ITPR3: variants seen among roughly 807,000 people sequenced by gnomAD.
ITPR3 encodes the protein inositol 1,4,5-trisphosphate-gated calcium channel ITPR3.
ITPR3 carries 173 observed loss-of-function variants against 293.2 expected under a neutral mutation model. The observed-to-expected ratio is 0.59, with a 90% CI of 0.52 to 0.67. The LOEUF is 0.67. Ranked by LOEUF, ITPR3 falls within the 30% of genes least tolerant of loss-of-function variation. The pLI is 0.00. For missense variants in ITPR3, 2,796 were observed against 3,592.1 expected (o/e 0.78, Z 5.66); for synonymous variants, 1,295 against 1,444.4 (o/e 0.90, Z 2.35).
intron 43 of ITPR3, 99 bp from the exon 44 acceptor site, chr6:33,686,910 G>A (rs1340898067): frequency 2.1e-6 from 2 of 963,422 alleles, no homozygotes; most frequent in Non-Finnish European, 3.3e-6. Flanking sequence ...CTGACCTTTT[G>A]TTGGATGGGA....
chr6:33,664,252 G>A lies in ITPR3; in HGVS notation c.1148+372G>A, dbSNP rs1002475805. On this transcript the variant is annotated intron_variant, in intron 11 of 57. Transcript: ENST00000605930. This position sits in a 1 kb window ranked among gnomAD's most constrained non-coding sequence, Gnocchi z 4.4. ...CGGAACATCAAGAAACTTCTCAAGT[G>A]TCAGTACAGGCTTTGGCGTGTCCTT... 6.6e-6 allele frequency among the ~76,000 whole-genome samples: 1 copy of A among 152,106 alleles called. No homozygotes were observed. Among genetic ancestry groups the A allele is most frequent in the Non-Finnish European group, 1.5e-5 (1 of 68,030 alleles).
At chr6:33,645,390 T>G (rs1367936101) in intron 2 of ITPR3, among the ~76,000 whole-genome samples, 1 of 152,198 alleles carries the variant, frequency 6.6e-6, no homozygotes, top group African/African-American at 2.4e-5. Context: ...GTTTTTGAGA[T>G]TTATCTGAGT....
intron 9 of ITPR3, 129 bp downstream of exon 9, chr6:33,663,135 C>A (rs1294190316): frequency 2.8e-6 from 2 of 720,882 alleles, no homozygotes; most frequent in East Asian, 5.4e-5. Flanking sequence ...TGCACTCATG[C>A]ATTTATCCAA....
At chr6:33,651,201 C>CG (rs1401552667) in intron 2 of ITPR3, among the ~76,000 whole-genome samples, 5 of 150,570 alleles carry the variant, frequency 3.3e-5, no homozygotes, top group Non-Finnish European at 4.4e-5. Context: ...GGTGTGAACC[C>CG]GGGAGGCGGA....
At chr6:33,646,366 AC>A (rs1205141830) in intron 2 of ITPR3, among the ~76,000 whole-genome samples, 2 of 63,222 alleles carry the variant, frequency 3.2e-5, no homozygotes, top group Admixed American at 2.3e-4. Context: ...CCCTCTTCCC[AC>A]CCCCCACCCC....
intron 16 of ITPR3, among the ~76,000 whole-genome samples, 163 bp downstream of exon 16, chr6:33,668,127 T>G (rs1304111424): frequency 1.3e-5 from 2 of 152,234 alleles, no homozygotes; most frequent in East Asian, 3.8e-4. Context: ...TCCCTAGCCC[T>G]TCTCTGGGAT....
rs372802261 is a variant in ITPR3, at chr6:33,624,547, C to T, written c.89+2856C>T. ...GTGCATTAAAGTGTGAGGAGCGTTGCTCTGAGTGATTTTCTCTCTGCCCCA... is the reference window on the plus strand; with the variant it reads ...GTGCATTAAAGTGTGAGGAGCGTTGTTCTGAGTGATTTTCTCTCTGCCCCA... On this transcript the variant is annotated intron_variant, in intron 1 of 57. Transcript: ENST00000605930. This position sits in a 1 kb window ranked among gnomAD's most constrained non-coding sequence, Gnocchi z 4.7. 2.6e-4 allele frequency among the ~76,000 whole-genome samples: 40 copies of T among 152,350 alleles called. No homozygotes were observed. Among genetic ancestry groups the T allele is most frequent in the African/African-American group, 8.9e-4 (37 of 41,574 alleles).
rs575507441 is a variant in ITPR3 at position 33,666,685 on chromosome 6, C to T, written c.1552-444C>T. ...TGCTCTGTCACTTTGGTCTCTGTTT[C>T]AGAACAATTTTTCACCTCTCCACCC... is the stretch of plus-strand genomic sequence containing the variant. On this transcript the variant is annotated intron_variant, in intron 14 of 57. Coordinates refer to ENST00000605930, the MANE Select transcript of ITPR3 (RefSeq NM_002224.4). The surrounding 1 kb of genome is among the most constrained non-coding windows in gnomAD (Gnocchi z 5.1). 1.1e-3 allele frequency among the ~76,000 whole-genome samples: 163 copies of T among 151,332 alleles called. 2 individuals are homozygous for T. Among genetic ancestry groups the T allele is most frequent in the Non-Finnish European group, 8.8e-5 (6 of 67,912 alleles).
Position 33,695,887 on chromosome 6 carries a change from C to A in ITPR3, c.*107C>A. The A allele has an allele frequency of 9.5e-7, 1 of 1,049,712 alleles. No individual in the cohort carries two copies. Among genetic ancestry groups the A allele is most frequent in the Non-Finnish European group, 1.4e-6 (1 of 690,768 alleles). 65.0% of individuals were successfully genotyped at this position (1,049,712 alleles called of 1,614,324 possible). On this transcript the variant is annotated 3_prime_UTR_variant, in exon 58 of 58. Coordinates refer to ENST00000605930, the MANE Select transcript of ITPR3 (RefSeq NM_002224.4). ...TGGGTGGCCCAGCCAGCTGGCCAGC[C>A]TCCACTCCCACTCTGCCAGACACCC...
chr6:33,622,407 C>T lies in ITPR3; in HGVS notation c.89+716C>T, dbSNP rs570926913. Among the ~76,000 whole-genome samples, 125 of 152,290 alleles carry T rather than the reference C, an allele frequency of 8.2e-4. 3 individuals are homozygous for T. In the South Asian group the frequency reaches 0.024, roughly 29 times the overall value. The stretch of plus-strand genomic sequence containing the variant: ...GATGAACAGGGAATCAGTTCACGTC[C>T]CTGGAGAGGGCCAGGCCTGTAGCAG... On this transcript the variant is annotated intron_variant, in intron 1 of 57. Transcript: ENST00000605930.
At chr6:33,659,698 C>T in intron 7 of ITPR3, 149 bp downstream of exon 7, 1 of 658,198 alleles carries the variant, frequency 1.5e-6, no homozygotes, top group Non-Finnish European at 2.7e-6. Flanking sequence ...TCCACAGGGC[C>T]CCACCCACAT....
At chr6:33,693,948 C>T (rs1765465771) in intron 56 of ITPR3, among the ~76,000 whole-genome samples, 1 of 152,252 alleles carries the variant, frequency 6.6e-6, no homozygotes, top group African/African-American at 2.4e-5. Flanking sequence ...ACGGAAGCCG[C>T]TGCTGCAGAG....
chr6:33,678,606 A>C (rs751471136), intron 29 of ITPR3, 33 bp from the exon 30 acceptor site: 1 of 1,594,638 alleles, frequency 6.3e-7, no homozygotes, highest in Admixed American at 1.7e-5. Flanking sequence ...GGCGGGGCCC[A>C]GATCTCTTTC....
chr6:33,640,246 G>A (rs1187779704), intron 1 of ITPR3, among the ~76,000 whole-genome samples: 1 of 152,110 alleles, frequency 6.6e-6, no homozygotes, highest in South Asian at 2.1e-4. Flanking sequence ...CAGTCAGGGG[G>A]CTGGGGTGGG....
intron 25 of ITPR3, 33 bp from the exon 26 acceptor site, chr6:33,676,735 A>G (rs753678504): frequency 6.2e-7 from 1 of 1,611,652 alleles, no homozygotes; most frequent in East Asian, 2.2e-5. Flanking sequence ...CCTGGAGCCC[A>G]TCTCACCAGC....
At position 33,687,575 on chromosome 6, in the gene ITPR3, G is replaced by A; in HGVS notation, c.6264+11G>A. 6.5e-7 allele frequency: 1 copy of A among 1,547,076 alleles called. No homozygotes were observed. Among genetic ancestry groups the A allele is most frequent in the Non-Finnish European group, 8.9e-7 (1 of 1,122,670 alleles). ...GGTATCTCTTCCATGGTGGGTGCTG[G>A]CCCCGAGACTGGGGTGGGGGTGGGG... On this transcript the variant is annotated intron_variant, in intron 46 of 57. Transcript: ENST00000605930. This position sits in a 1 kb window ranked among gnomAD's most constrained non-coding sequence, Gnocchi z 5.3.
chr6:33,640,692 G>T, intron 2 of ITPR3, 138 bp downstream of exon 2: 1 of 668,012 alleles, frequency 1.5e-6, no homozygotes, highest in Non-Finnish European at 2.5e-6. Context: ...CTCTGCTGTC[G>T]GCGGAATCCC....
At chr6:33,653,852 G>T (rs1764247375) in intron 2 of ITPR3, among the ~76,000 whole-genome samples, 1 of 152,178 alleles carries the variant, frequency 6.6e-6, no homozygotes, top group Admixed American at 6.5e-5. Flanking sequence ...GTTGGGAATT[G>T]CCTGCCTCTA....
chr6:33,668,471 A>G (rs756236172), intron 16 of ITPR3, 44 bp from the exon 17 acceptor site: 1 of 1,613,392 alleles, frequency 6.2e-7, no homozygotes, highest in Non-Finnish European at 8.5e-7. Flanking sequence ...TAGAGGGACC[A>G]GCCTCTGAGA....
Sources: gnomAD v4.1 joint callset for allele counts (sites outside exome capture counted in the v4.1 genomes callset) on GRCh38, gnomAD v4.1.1 for gene constraint, Gnocchi (gnomAD v3.1) non-coding constraint, MANE v1.5 for transcripts, NCBI Gene and HGNC (gene_info 2026-07-23, HGNC 2026-07-21) for gene names.